CADPS2: variants seen among roughly 807,000 people sequenced by gnomAD.
CADPS2 encodes calcium dependent secretion activator 2.
In CADPS2, 93 loss-of-function variants were observed where a neutral mutation model predicts 172.5. The observed-to-expected ratio is 0.54, with a 90% CI of 0.46 to 0.64. The LOEUF (loss-of-function observed/expected upper bound fraction) is 0.64. Ranked by LOEUF, CADPS2 falls within the 30% of genes least tolerant of loss-of-function variation. The pLI, the probability that CADPS2 is intolerant of heterozygous loss-of-function variation, is 0.00. For synonymous variants in CADPS2, 546 were observed against 555.2 expected (o/e 0.98, Z 0.23); for missense variants, 1,420 against 1,565.9 (o/e 0.91, Z 1.57).
intron 19 of CADPS2, chr7:122,409,644 G>A (rs933395740): frequency 4.3e-6 from 2 of 470,548 alleles, no homozygotes; most frequent in African/African-American, 2.0e-5. Context: ...GCTAAATAAC[G>A]CTTTAAGCAA....
intron 14 of CADPS2, among the ~76,000 whole-genome samples, chr7:122,463,716 G>A (rs2054764008): frequency 6.6e-6 from 1 of 151,914 alleles, no homozygotes; most frequent in African/African-American, 2.4e-5. Context: ...ATTCATCTTT[G>A]GCAAACAGTA....
intron 2 of CADPS2, among the ~76,000 whole-genome samples, chr7:122,690,816 A>ATGAGTAGCTAATGAGTAGCTAATGAG (rs769189216): frequency 3.3e-5 from 5 of 152,232 alleles, no homozygotes; most frequent in Non-Finnish European, 7.3e-5. Flanking sequence ...AGTTTAGCTC[A>ATGAGTAGCTAATGAGTAGCTAATGAG]TTAGCTACTT....
intron 8 of CADPS2, among the ~76,000 whole-genome samples, chr7:122,543,425 CACTCATTT>C (rs777515283): frequency 2.0e-5 from 3 of 152,080 alleles, no homozygotes; most frequent in Non-Finnish European, 2.9e-5. Context: ...TTCACTCATT[CACTCATTT>C]GAGTCTGACA....
At chr7:122,322,504 T>C (rs3757540) in intron 29 of CADPS2, among the ~76,000 whole-genome samples, 55,043 of 152,056 alleles carry the variant, frequency 0.36, 10,175 homozygotes, top group East Asian at 0.47. Context: ...TTTGGTTGGC[T>C]CTTGCTTAAG....
At chr7:122,634,760 T>C (rs1334452817) in intron 3 of CADPS2, among the ~76,000 whole-genome samples, 3 of 152,152 alleles carry the variant, frequency 2.0e-5, no homozygotes, top group African/African-American at 4.8e-5. Flanking sequence ...TAATTTGAGA[T>C]CTTCCTAACT....
In CADPS2 at chr7:122,777,009, A is replaced by G. The variant is rs563326080; in HGVS notation, c.340-39941T>C. Among the ~76,000 whole-genome samples the G allele has an allele frequency of 4.7e-3, 717 of 152,190 alleles. 3 individuals are homozygous for G. The highest frequency in any genetic ancestry group is 8.2e-3 in the Non-Finnish European group (556 of 67,992). Reference sequence around the variant, plus strand: ...CTACAAAAAGTTTGAAAATTAGCCAAGCACGGCAGTGTGTGCCTGTAGTCC... The same window carrying G: ...CTACAAAAAGTTTGAAAATTAGCCAGGCACGGCAGTGTGTGCCTGTAGTCC... On this transcript the variant is annotated intron_variant, in intron 1 of 29. Transcript: ENST00000449022.
chr7:122,601,447 G>T lies in CADPS2; in HGVS notation c.1223+13734C>A, dbSNP rs546350268. On this transcript the variant is annotated intron_variant, in intron 6 of 29. Transcript: ENST00000449022. ...ATAAGGAAGTCTGAGCCAGGAACAC[G>T]AAAGTGTTACTTGTCTAAAAATTGA... Among the ~76,000 whole-genome samples, 12 of 151,996 alleles carry T rather than the reference G, an allele frequency of 7.9e-5. No individual in the cohort carries two copies. In the South Asian group the frequency reaches 2.5e-3, roughly 32 times the overall value.
intron 1 of CADPS2, among the ~76,000 whole-genome samples, chr7:122,812,742 G>A (rs1800337761): frequency 6.6e-6 from 1 of 152,068 alleles, no homozygotes; most frequent in African/African-American, 2.4e-5. Context: ...AACACATGAT[G>A]GTTATTCATT....
At chr7:122,395,912 C>T (rs531937985) in intron 20 of CADPS2, among the ~76,000 whole-genome samples, 110 of 151,840 alleles carry the variant, frequency 7.2e-4, no homozygotes, top group Non-Finnish European at 7.8e-4. Context: ...TGGGTTTAAG[C>T]GATTCTCCTG....
At chr7:122,619,979 A>G (rs1222419711) in intron 5 of CADPS2, among the ~76,000 whole-genome samples, 3 of 152,200 alleles carry the variant, frequency 2.0e-5, no homozygotes, top group Non-Finnish European at 1.5e-5. Context: ...ATAAATCATT[A>G]ATCCTGAAGT....
chr7:122,346,302 A>C (rs2037651405), intron 27 of CADPS2, among the ~76,000 whole-genome samples: 1 of 152,148 alleles, frequency 6.6e-6, no homozygotes, highest in Non-Finnish European at 1.5e-5. Flanking sequence ...TGGGTGGTTG[A>C]GGTTGCAGTG....
At chr7:122,778,858 A>G (rs537453650) in intron 1 of CADPS2, among the ~76,000 whole-genome samples, 2 of 152,310 alleles carry the variant, frequency 1.3e-5, no homozygotes, top group South Asian at 2.1e-4. Flanking sequence ...GGGAGGGACC[A>G]GGGGTGGAAT....
intron 1 of CADPS2, among the ~76,000 whole-genome samples, chr7:122,788,123 C>T (rs1419080905): frequency 1.3e-5 from 2 of 152,140 alleles, no homozygotes; most frequent in Admixed American, 6.5e-5. Flanking sequence ...GAAACAGAGC[C>T]AGCTTCAGGG....
intron 5 of CADPS2, among the ~76,000 whole-genome samples, chr7:122,618,836 A>G (rs533663777): frequency 6.6e-6 from 1 of 152,190 alleles, no homozygotes; most frequent in Admixed American, 6.5e-5. Context: ...GCACTGCACC[A>G]TCGTCACTTA....
intron 8 of CADPS2, among the ~76,000 whole-genome samples, chr7:122,533,849 T>A (rs956065410): frequency 2.0e-5 from 3 of 152,160 alleles, no homozygotes; most frequent in African/African-American, 7.2e-5. Context: ...TGTATCCATA[T>A]GCATAAAAGA....
chr7:122,638,022 G>C (rs571693870), intron 3 of CADPS2, among the ~76,000 whole-genome samples: 15 of 152,286 alleles, frequency 9.8e-5, no homozygotes, highest in Admixed American at 2.6e-4. Context: ...CAGCCATGTA[G>C]CTCTGTTGTA....
chr7:122,712,645 G>A lies in CADPS2; in HGVS notation c.453+24310C>T, dbSNP rs79797983. Reference sequence around the variant, plus strand: ...ATGAAGGAAGGACCAGAGAAGCACAGTATCTTAGTCTGTTTGGGCTGTTAT... The same window carrying A: ...ATGAAGGAAGGACCAGAGAAGCACAATATCTTAGTCTGTTTGGGCTGTTAT... On this transcript the variant is annotated intron_variant, in intron 2 of 29. Coordinates refer to ENST00000449022, the MANE Select transcript of CADPS2 (RefSeq NM_017954.11). Among the ~76,000 whole-genome samples, 1,478 of 152,228 alleles carry A rather than the reference G, an allele frequency of 9.7e-3. 23 individuals are homozygous for A. Among genetic ancestry groups the A allele is most frequent in the African/African-American group, 0.034 (1,402 of 41,544 alleles).
At chr7:122,589,254 A>C (rs993206311) in intron 6 of CADPS2, among the ~76,000 whole-genome samples, 9 of 151,986 alleles carry the variant, frequency 5.9e-5, no homozygotes, top group Non-Finnish European at 1.0e-4. Flanking sequence ...TCTCCTTTTA[A>C]TTGAATAATG....
At chr7:122,457,810 G>C (rs536616084) in intron 14 of CADPS2, among the ~76,000 whole-genome samples, 10 of 152,178 alleles carry the variant, frequency 6.6e-5, no homozygotes, top group African/African-American at 2.2e-4. Context: ...ATAATCCCTA[G>C]GCTTTATAAT....
Sources: gnomAD v4.1 joint callset for allele counts (sites outside exome capture counted in the v4.1 genomes callset) on GRCh38, gnomAD v4.1.1 for gene constraint, MANE v1.5 for transcripts, NCBI Gene and HGNC (gene_info 2026-07-23, HGNC 2026-07-21) for gene names.